The following UCK2 variants were observed in gnomAD, a reference collection of about 807,000 sequenced individuals.
UCK2 encodes the protein cytidine monophosphokinase 2.
A neutral mutation model predicts 30.8 loss-of-function variants in UCK2; 6 were observed. That is an observed-to-expected ratio of 0.19 (90% CI 0.11 to 0.38). The LOEUF is 0.38. UCK2 is among the 10% of genes least tolerant of loss of function. UCK2 has a pLI of 1.00. For synonymous variants in UCK2, 125 were observed against 133.6 expected, an observed-to-expected ratio of 0.94 and a Z score of 0.45; for missense variants, 210 against 339.8, an observed-to-expected ratio of 0.62 and a Z score of 3.00.
intron 1 of UCK2, among the ~76,000 whole-genome samples, chr1:165,839,279 C>G (rs1395217494): frequency 6.6e-6 from 1 of 151,976 alleles, no homozygotes; most frequent in African/African-American, 2.4e-5. Context: ...TTGAGTGATA[C>G]ATAGTGTTTG....
chr1:165,888,153 TA>T (rs1165925625), intron 1 of UCK2, among the ~76,000 whole-genome samples: 10 of 152,216 alleles, frequency 6.6e-5, no homozygotes, highest in African/African-American at 2.4e-4. Context: ...ATAAGAATTG[TA>T]ACTTTAAAAG....
intron 1 of UCK2, among the ~76,000 whole-genome samples, chr1:165,878,584 T>C (rs1330357328): frequency 6.6e-6 from 1 of 152,230 alleles, no homozygotes; most frequent in Non-Finnish European, 1.5e-5. Context: ...AAACTCGTCA[T>C]CTGCCCACCT....
intron 1 of UCK2, among the ~76,000 whole-genome samples, chr1:165,853,421 A>AT (rs1281203280): frequency 2.0e-5 from 3 of 151,724 alleles, no homozygotes; most frequent in African/African-American, 4.8e-5. Context: ...TCAAATATTT[A>AT]TTTTTTAAAA....
At chr1:165,865,860 G>A (rs1229023929) in intron 1 of UCK2, among the ~76,000 whole-genome samples, 1 of 152,190 alleles carries the variant, frequency 6.6e-6, no homozygotes, top group African/African-American at 2.4e-5. Flanking sequence ...CATCAACAGT[G>A]ACAGAACTCA....
At chr1:165,842,937 C>G (rs1654366380) in intron 1 of UCK2, among the ~76,000 whole-genome samples, 2 of 152,208 alleles carry the variant, frequency 1.3e-5, no homozygotes, top group South Asian at 4.1e-4. Context: ...CACCTCCACA[C>G]TAGTGCACGT....
chr1:165,903,163 G>A lies in UCK2; in HGVS notation c.500-19G>A, dbSNP rs1208731242. 2 of 1,603,556 alleles carry A rather than the reference G, an allele frequency of 1.2e-6. No individual in the cohort carries two copies. Among genetic ancestry groups the A allele is most frequent in the Non-Finnish European group, 1.7e-6 (2 of 1,173,960 alleles). Reference sequence around the variant, plus strand: ...GCTCCTACACCGTTTTTTGATTCTTGTTTTCCCTTCTCTTACAGTATTAAG... The same window carrying A: ...GCTCCTACACCGTTTTTTGATTCTTATTTTCCCTTCTCTTACAGTATTAAG... On this transcript the variant is annotated intron_variant, in intron 4 of 6. Coordinates refer to ENST00000367879, the MANE Select transcript of UCK2 (RefSeq NM_012474.5).
At chr1:165,883,276 C>T (rs551942979) in intron 1 of UCK2, among the ~76,000 whole-genome samples, 1 of 152,272 alleles carries the variant, frequency 6.6e-6, no homozygotes, top group East Asian at 1.9e-4. Context: ...AAAGAGGGAA[C>T]AGTTGCATAG....
At chr1:165,891,195 A>G (rs767906848) in intron 2 of UCK2, 31 bp from the exon 3 acceptor site, 2 of 1,581,946 alleles carry the variant, frequency 1.3e-6, no homozygotes, top group Admixed American at 1.7e-5. Flanking sequence ...TTTAAAATTA[A>G]GAAACATTTT....
chr1:165,873,715 TGCCAA>T (rs1655259875), intron 1 of UCK2, among the ~76,000 whole-genome samples: 1 of 152,206 alleles, frequency 6.6e-6, no homozygotes, highest in South Asian at 2.1e-4. Flanking sequence ...CTGTTTTTCC[TGCCAA>T]GCCTCAGGAG....
chr1:165,839,030 A>G (rs1384707567), intron 1 of UCK2, among the ~76,000 whole-genome samples: 1 of 152,144 alleles, frequency 6.6e-6, no homozygotes, highest in Non-Finnish European at 1.5e-5. Flanking sequence ...CCTGGATGAC[A>G]GAGCAAGACT....
chr1:165,906,058 T>C (rs965799830), intron 6 of UCK2, 89 bp downstream of exon 6: 2 of 1,246,864 alleles, frequency 1.6e-6, no homozygotes, highest in Non-Finnish European at 2.3e-6. Flanking sequence ...CCTACAGGGC[T>C]CTGCAGACAT....
intron 1 of UCK2, among the ~76,000 whole-genome samples, chr1:165,861,133 G>C (rs927858839): frequency 6.6e-6 from 1 of 151,950 alleles, no homozygotes; most frequent in Admixed American, 6.6e-5. Context: ...TTGATGGAAA[G>C]GGCAAAAGGT....
At chr1:165,878,896 G>A (rs1208988938) in intron 1 of UCK2, among the ~76,000 whole-genome samples, 1 of 152,210 alleles carries the variant, frequency 6.6e-6, no homozygotes, top group Non-Finnish European at 1.5e-5. Context: ...CTGCCAAATT[G>A]TCTTCCAAAG....
intron 1 of UCK2, among the ~76,000 whole-genome samples, chr1:165,855,510 CTTTTTT>C (rs76464312): frequency 7.8e-6 from 1 of 128,246 alleles, no homozygotes; most frequent in South Asian, 2.5e-4. Flanking sequence ...TTTTTCTTTT[CTTTTTT>C]TTTTTTTTTT....
chr1:165,833,044 A>G (rs868399295), intron 1 of UCK2, among the ~76,000 whole-genome samples: 10 of 152,160 alleles, frequency 6.6e-5, no homozygotes, highest in Middle Eastern at 3.2e-3. Flanking sequence ...ACCTCAGTGC[A>G]GCTTGGCCGT....
chr1:165,893,843 A>G (rs967712746), intron 3 of UCK2, among the ~76,000 whole-genome samples: 9 of 152,246 alleles, frequency 5.9e-5, no homozygotes, highest in African/African-American at 4.8e-5. Flanking sequence ...GGCACCACCA[A>G]CAAATTAGGC....
At chr1:165,905,708 G>A (rs984059842) in intron 5 of UCK2, among the ~76,000 whole-genome samples, 1 of 152,010 alleles carries the variant, frequency 6.6e-6, no homozygotes, top group Non-Finnish European at 1.5e-5. Context: ...TCACATTTCA[G>A]CTAAACAAGG....
intron 1 of UCK2, among the ~76,000 whole-genome samples, chr1:165,870,798 C>T (rs1655177232): frequency 6.6e-6 from 1 of 152,174 alleles, no homozygotes; most frequent in African/African-American, 2.4e-5. Flanking sequence ...TTACAGAAGG[C>T]TTCATTGGAC....
chr1:165,878,235 T>C (rs1448063453), intron 1 of UCK2, among the ~76,000 whole-genome samples: 1 of 152,212 alleles, frequency 6.6e-6, no homozygotes, highest in African/African-American at 2.4e-5. Flanking sequence ...GTTGAAATCA[T>C]ACATTATGTG....
Sources: allele counts gnomAD v4.1 joint callset (sites outside exome capture counted in the v4.1 genomes callset), GRCh38; gene constraint gnomAD v4.1.1; transcripts MANE v1.5; gene names NCBI Gene and HGNC (gene_info 2026-07-23, HGNC 2026-07-21).